Variants in MCF2L2 observed in about 807,000 individuals in gnomAD.
The protein encoded by MCF2L2 is MCF.2 cell line derived transforming sequence-like 2, also known as probable guanine nucleotide exchange factor MCF2L2.
A neutral mutation model predicts 150.2 loss-of-function variants in MCF2L2; 102 were observed. That is an observed-to-expected ratio of 0.68 (90% CI 0.58 to 0.80). The LOEUF (loss-of-function observed/expected upper bound fraction) is 0.80, where lower values mean the gene tolerates loss of function less well. MCF2L2 is among the 30% of genes least tolerant of loss of function. The pLI, the probability that MCF2L2 is intolerant of heterozygous loss-of-function variation, is 0.00. For missense variants in MCF2L2, 1,256 were observed against 1,372.8 expected, an observed-to-expected ratio of 0.91 and a Z score of 1.34; for synonymous variants, 465 against 491.3, an observed-to-expected ratio of 0.95 and a Z score of 0.71.
chr3:183,427,310 T>G (rs541917330), intron 1 of MCF2L2, among the ~76,000 whole-genome samples: 2 of 152,324 alleles, frequency 1.3e-5, no homozygotes, highest in South Asian at 4.1e-4. Flanking sequence ...TCTTTTCAAC[T>G]CAGGGAAGAA....
chr3:183,428,060 C>T lies in MCF2L2; in HGVS notation c.-83G>A. On this transcript the variant is annotated 5_prime_UTR_variant, in exon 1 of 30. Coordinates refer to ENST00000328913, the MANE Select transcript of MCF2L2 (RefSeq NM_015078.4). This position sits in a 1 kb window ranked among gnomAD's most constrained non-coding sequence, Gnocchi z 5.1. ...GGTGGATGATTTTTTAAAGGCATCT[C>T]CGCCCAAGGATGCTCTGCCCTCGCC... is the stretch of plus-strand genomic sequence containing the variant. 9.5e-7 allele frequency: 1 copy of T among 1,047,346 alleles called. No homozygotes were observed. Among genetic ancestry groups the T allele is most frequent in the Non-Finnish European group, 1.5e-6 (1 of 667,438 alleles). 64.9% of individuals were successfully genotyped at this position (1,047,346 alleles called of 1,614,324 possible). A position where few individuals can be genotyped will look rare whatever the true frequency, so the allele number is the denominator to read the frequency against.
intron 27 of MCF2L2, among the ~76,000 whole-genome samples, chr3:183,182,238 G>T (rs1375304634): frequency 1.3e-5 from 2 of 152,090 alleles, no homozygotes; most frequent in South Asian, 4.1e-4. Flanking sequence ...ACCTCCCTGT[G>T]GGGGACTGTC....
intron 3 of MCF2L2, among the ~76,000 whole-genome samples, chr3:183,355,633 TTTTTTG>T (rs1212202237): frequency 2.1e-4 from 30 of 143,812 alleles, no homozygotes; most frequent in African/African-American, 7.2e-4. Flanking sequence ...TTTTTTTTTT[TTTTTTG>T]GTATTTTTAG....
At position 183,192,981 on chromosome 3, in the gene MCF2L2, C is replaced by A; in HGVS notation, c.3016+18G>T. The stretch of plus-strand genomic sequence containing the variant: ...CCCACTGCTTCTGTGCTCCACTCTC[C>A]CATGGGACCCTCCCTACCTTTAATC... On this transcript the variant is annotated intron_variant, in intron 27 of 29. Coordinates refer to ENST00000328913, the MANE Select transcript of MCF2L2 (RefSeq NM_015078.4). 1.2e-6 allele frequency: 2 copies of A among 1,603,134 alleles called. No homozygotes were observed. The highest frequency in any genetic ancestry group is 1.7e-6 in the Non-Finnish European group (2 of 1,170,358).
intron 3 of MCF2L2, among the ~76,000 whole-genome samples, chr3:183,350,181 C>T (rs1441950733): frequency 6.6e-6 from 1 of 152,164 alleles, no homozygotes; most frequent in African/African-American, 2.4e-5. Context: ...AGAGCTGTGT[C>T]TCCTGACATA....
intron 3 of MCF2L2, among the ~76,000 whole-genome samples, chr3:183,367,057 A>G (rs1033378995): frequency 6.6e-6 from 1 of 152,192 alleles, no homozygotes; most frequent in East Asian, 1.9e-4. Context: ...GGTATAAGGA[A>G]AGAGAACCCA....
chr3:183,216,769 T>A (rs1344373674), intron 21 of MCF2L2, among the ~76,000 whole-genome samples: 1 of 149,958 alleles, frequency 6.7e-6, no homozygotes, highest in Non-Finnish European at 1.5e-5. Context: ...CATGCCTGGC[T>A]AATTTTTGTA....
chr3:183,251,826 G>A (rs1242396501), intron 15 of MCF2L2, among the ~76,000 whole-genome samples: 4 of 151,688 alleles, frequency 2.6e-5, no homozygotes, highest in Admixed American at 6.6e-5. Flanking sequence ...CTGTCCTCTC[G>A]CATGTGTGAT....
chr3:183,340,632 T>A (rs1244790506), intron 4 of MCF2L2, among the ~76,000 whole-genome samples: 1 of 152,172 alleles, frequency 6.6e-6, no homozygotes, highest in African/African-American at 2.4e-5. Flanking sequence ...GTTTTACCAT[T>A]GTCTTTCTAA....
At chr3:183,268,603 A>AT (rs1443900280) in intron 15 of MCF2L2, among the ~76,000 whole-genome samples, 7 of 152,308 alleles carry the variant, frequency 4.6e-5, no homozygotes, top group Admixed American at 2.0e-4. Context: ...AGGGGAGAAG[A>AT]TAACAGAATG....
Position 183,179,686 on chromosome 3 carries a change from C to G in MCF2L2, c.3112G>C (p.Gly1038Arg). The change falls in exon 29 of 30, where the codon GGC (glycine) becomes CGC (arginine). Residue 1038 changes from glycine (G) to arginine (R), a missense_variant. By Grantham distance (125) the Gly-to-Arg change is moderately radical. Coordinates refer to ENST00000328913, the MANE Select transcript of MCF2L2 (RefSeq NM_015078.4). The surrounding 1 kb of genome is among the most constrained non-coding windows in gnomAD (Gnocchi z 4.2). ...TGACTGTCGTCCGACTGGAAAAGGC[C>G]CGCGAGCTGGAAGGGAGGGGACGGG... ...EKESSALSLA[G>R]LFQSDDSHET... 2 of 1,613,898 alleles carry G rather than the reference C, an allele frequency of 1.2e-6. No homozygotes were observed. Among genetic ancestry groups the G allele is most frequent in the Non-Finnish European group, 1.7e-6 (2 of 1,179,820 alleles).
chr3:183,227,414 T>C lies in MCF2L2; in HGVS notation c.2115+883A>G, dbSNP rs1723383463. 1 of 152,136 alleles carries C rather than the reference T, an allele frequency of 6.6e-6. No homozygotes were observed. The highest frequency in any genetic ancestry group is 1.5e-5 in the Non-Finnish European group (1 of 68,022). 9.4% of individuals were successfully genotyped at this position (152,136 alleles called of 1,614,324 possible). A position where few individuals can be genotyped will look rare whatever the true frequency, so the allele number is the denominator to read the frequency against. On this transcript the variant is annotated intron_variant, in intron 18 of 29. Transcript: ENST00000328913. The surrounding 1 kb of genome is among the most constrained non-coding windows in gnomAD (Gnocchi z 4.0). ...TGTTGTAGGCCAAGATGTTCATAAA[T>C]TGAGTACTAAGCCTAAAGGAGGCTG...
chr3:183,327,153 T>C (rs1276288057), intron 5 of MCF2L2, among the ~76,000 whole-genome samples: 1 of 151,994 alleles, frequency 6.6e-6, no homozygotes, highest in African/African-American at 2.4e-5. Context: ...GGTGAAACCC[T>C]GTCTCTACTA....
intron 22 of MCF2L2, among the ~76,000 whole-genome samples, chr3:183,209,076 A>T (rs967433284): frequency 1.3e-5 from 2 of 152,200 alleles, no homozygotes; most frequent in Non-Finnish European, 2.9e-5. Context: ...TTCTGTGTTA[A>T]CAGTTCACCA....
chr3:183,308,425 G>C (rs1343899712), intron 10 of MCF2L2, among the ~76,000 whole-genome samples: 1 of 152,182 alleles, frequency 6.6e-6, no homozygotes, highest in East Asian at 1.9e-4. Context: ...AAGGTATCTA[G>C]TCATCATATA....
intron 7 of MCF2L2, among the ~76,000 whole-genome samples, chr3:183,313,258 T>C (rs1293391164): frequency 7.3e-6 from 1 of 136,844 alleles, no homozygotes; most frequent in African/African-American, 2.9e-5. Flanking sequence ...CACACACACA[T>C]ATCCATATGT....
At chr3:183,372,157 TA>T (rs1313103011) in intron 3 of MCF2L2, 1 of 152,082 alleles carries the variant, frequency 6.6e-6, no homozygotes, top group African/African-American at 2.4e-5. Context: ...TCACACTTCA[TA>T]ATAGTAAGAG....
At chr3:183,205,402 AAAGT>A (rs932299729) in intron 25 of MCF2L2, among the ~76,000 whole-genome samples, 1 of 152,176 alleles carries the variant, frequency 6.6e-6, no homozygotes, top group East Asian at 1.9e-4. Flanking sequence ...ACAAAAAACA[AAAGT>A]AAGAAGTAAA....
chr3:183,273,506 G>A (rs1726962201), intron 15 of MCF2L2: 6 of 152,414 alleles, frequency 3.9e-5, no homozygotes, highest in Admixed American at 3.9e-4. Flanking sequence ...CTGCATTATA[G>A]AGCCACCTAA....
Sources: gnomAD v4.1 joint callset for allele counts (sites outside exome capture counted in the v4.1 genomes callset) on GRCh38, gnomAD v4.1.1 for gene constraint, Gnocchi (gnomAD v3.1) non-coding constraint, MANE v1.5 for transcripts, NCBI Gene and HGNC (gene_info 2026-07-23, HGNC 2026-07-21) for gene names.